ATOSA: variants seen among roughly 807,000 people sequenced by gnomAD.
ATOSA encodes atos homolog A.
At chr15:52,706,234 G>A in the ATOSA span, among the ~76,000 whole-genome samples, 3 of 152,212 alleles carry the variant, frequency 2.0e-5, no homozygotes, top group East Asian at 5.8e-4. Flanking sequence ...ACAAACAAAT[G>A]AACCAGTGAA....
chr15:52,602,222 T>A, the ATOSA span, among the ~76,000 whole-genome samples: 1 of 152,246 alleles, frequency 6.6e-6, no homozygotes, highest in Non-Finnish European at 1.5e-5. Flanking sequence ...TGTATGTGTA[T>A]GCATGTGTGT....
At chr15:52,611,690 C>G in the ATOSA span, 1 of 1,614,006 alleles carries the variant, frequency 6.2e-7, no homozygotes, top group Non-Finnish European at 8.5e-7. Context: ...TAGCAGCAGT[C>G]TGGTAGTAGC....
chr15:52,601,082 A>C, the ATOSA span: 1 of 1,512,214 alleles, frequency 6.6e-7, no homozygotes, highest in Non-Finnish European at 8.9e-7. Flanking sequence ...TTTGAGATAA[A>C]TACCTTCTAG....
the ATOSA span, among the ~76,000 whole-genome samples, chr15:52,639,400 CT>C: frequency 3.9e-5 from 6 of 152,246 alleles, no homozygotes; most frequent in Admixed American, 1.3e-4. Context: ...CAAAATTCCC[CT>C]GGACTAGACT....
the ATOSA span, among the ~76,000 whole-genome samples, chr15:52,637,596 T>G: frequency 6.6e-6 from 1 of 152,320 alleles, no homozygotes; most frequent in African/African-American, 2.4e-5. Flanking sequence ...TCTCTCTGCA[T>G]CTCATCTCTT....
chr15:52,637,910 A>G, the ATOSA span, among the ~76,000 whole-genome samples: 8 of 152,282 alleles, frequency 5.3e-5, 1 homozygote. Context: ...TTTTCTAAAT[A>G]AACAATCATA....
At chr15:52,685,098 T>G in the ATOSA span, among the ~76,000 whole-genome samples, 1 of 152,264 alleles carries the variant, frequency 6.6e-6, no homozygotes, top group Non-Finnish European at 1.5e-5. Context: ...ATATGTAGCT[T>G]ACATAATATT....
At chr15:52,608,781 A>C in the ATOSA span, 1 of 1,606,026 alleles carries the variant, frequency 6.2e-7, no homozygotes, top group Non-Finnish European at 8.5e-7. Flanking sequence ...CACATGTCTT[A>C]GGCCTTTTTG....
At chr15:52,693,137 G>C in the ATOSA span, among the ~76,000 whole-genome samples, 1 of 152,002 alleles carries the variant, frequency 6.6e-6, no homozygotes, top group African/African-American at 2.4e-5. Flanking sequence ...AAACTATTTC[G>C]GGCCAGGTGC....
the ATOSA span, chr15:52,611,645 G>C: frequency 6.2e-7 from 1 of 1,613,982 alleles, no homozygotes. Context: ...GGATCATTTA[G>C]ATCAATTCCC....
chr15:52,624,011 A>G, the ATOSA span, among the ~76,000 whole-genome samples: 3 of 152,210 alleles, frequency 2.0e-5, no homozygotes, highest in South Asian at 2.1e-4. Flanking sequence ...TGAAATTACT[A>G]AATTTTAATT....
the ATOSA span, chr15:52,585,059 A>G: frequency 2.7e-6 from 2 of 744,918 alleles, no homozygotes; most frequent in Non-Finnish European, 4.1e-6. Context: ...ACCACTGAAT[A>G]TAATTCAGTT....
At chr15:52,617,575 T>C in the ATOSA span, among the ~76,000 whole-genome samples, 4 of 152,108 alleles carry the variant, frequency 2.6e-5, no homozygotes, top group East Asian at 7.7e-4. Flanking sequence ...GAGAAATTTA[T>C]AAAATTCAGA....
At chr15:52,610,219 T>G in the ATOSA span, 1 of 1,614,028 alleles carries the variant, frequency 6.2e-7, no homozygotes, top group Non-Finnish European at 8.5e-7. Flanking sequence ...AAGGCCAATA[T>G]TAGTGTGAAT....
the ATOSA span, among the ~76,000 whole-genome samples, chr15:52,684,878 C>T: frequency 6.6e-6 from 1 of 152,076 alleles, no homozygotes; most frequent in East Asian, 1.9e-4. Flanking sequence ...TGCCTAGCTC[C>T]ACATCAGGTA....
chr15:52,650,206 CCT>C, the ATOSA span, among the ~76,000 whole-genome samples: 2 of 152,118 alleles, frequency 1.3e-5, no homozygotes, highest in African/African-American at 2.4e-5. Flanking sequence ...CCTGTGTCTG[CCT>C]CTCACTCCAA....
chr15:52,608,486 T>A, the ATOSA span: 1 of 1,407,148 alleles, frequency 7.1e-7, no homozygotes, highest in South Asian at 1.5e-5. Flanking sequence ...CCTTGGGCCT[T>A]TATAACCAGA....
chr15:52,662,655 A>C, the ATOSA span, among the ~76,000 whole-genome samples: 2 of 151,762 alleles, frequency 1.3e-5, 1 homozygote, highest in Non-Finnish European at 2.9e-5. Context: ...CTGTAGTCCC[A>C]GCTGCTCGGG....
chr15:52,674,863 C>A, the ATOSA span, among the ~76,000 whole-genome samples: 1 of 150,478 alleles, frequency 6.6e-6, no homozygotes, highest in Non-Finnish European at 1.5e-5. Flanking sequence ...TATATATAAG[C>A]TTATATAACC....
Sources: gnomAD v4.1 joint callset for allele counts (sites outside exome capture counted in the v4.1 genomes callset) on GRCh38, gnomAD v4.1.1 for gene constraint, MANE v1.5 for transcripts, NCBI Gene and HGNC (gene_info 2026-07-23, HGNC 2026-07-21) for gene names.